ADGRA2: variants seen among roughly 807,000 people sequenced by gnomAD.
ADGRA2 encodes G-protein coupled receptor 124.
ADGRA2 carries 61 observed loss-of-function variants against 98.7 expected under a neutral mutation model. That is an observed-to-expected ratio of 0.62 (90% CI 0.50 to 0.76). ADGRA2 has a LOEUF of 0.76. ADGRA2 is among the 30% of genes least tolerant of loss of function. The probability of loss-of-function intolerance (pLI) is 0.00; values close to 1 mark genes in which losing one functional copy is unlikely to be tolerated. For missense variants in ADGRA2, 1,712 were observed against 1,860.0 expected, an observed-to-expected ratio of 0.92 and a Z score of 1.46; for synonymous variants, 858 against 831.5, an observed-to-expected ratio of 1.03 and a Z score of -0.55.
At position 37,840,204 on chromosome 8, in the gene ADGRA2, C is replaced by T. The variant is rs781219697; in HGVS notation, c.2595C>T (p.Thr865=). The T allele has an allele frequency of 6.2e-7, 1 of 1,612,736 alleles. No individual in the cohort carries two copies. Residue 865 remains threonine, a synonymous_variant, in exon 17 of 19, where the codon ACC becomes ACT. Transcript: ENST00000412232. Reference sequence around the variant, plus strand: ...CGCGAGTGCTCCATAAGGAGCTCACCTGGAGGGCACCCCCTCCGCAAGAAG... The same window carrying T: ...CGCGAGTGCTCCATAAGGAGCTCACTTGGAGGGCACCCCCTCCGCAAGAAG... The part of the protein sequence containing the change: ...VKARVLHKEL[T]WRAPPPQEGD...
chr8:37,801,656 C>T (rs1425892307), intron 1 of ADGRA2, among the ~76,000 whole-genome samples: 1 of 152,360 alleles, frequency 6.6e-6, no homozygotes, highest in East Asian at 1.9e-4. Flanking sequence ...AATTCCCAGA[C>T]GGCCTGGGCT....
chr8:37,820,676 C>T (rs762944301), intron 2 of ADGRA2, among the ~76,000 whole-genome samples: 1 of 152,250 alleles, frequency 6.6e-6, no homozygotes, highest in Non-Finnish European at 1.5e-5. Context: ...TTAACTGAAA[C>T]GGAAGCTCCA....
At chr8:37,812,722 T>C (rs1479911899) in intron 1 of ADGRA2, among the ~76,000 whole-genome samples, 1 of 151,558 alleles carries the variant, frequency 6.6e-6, no homozygotes, top group Non-Finnish European at 1.5e-5. Context: ...TGGAGTGCAA[T>C]GGTGCCATCA....
chr8:37,836,595 T>G (rs1805623117), intron 13 of ADGRA2, among the ~76,000 whole-genome samples: 1 of 152,038 alleles, frequency 6.6e-6, no homozygotes, highest in South Asian at 2.1e-4. Context: ...CTGCCAGTGA[T>G]TCCACTGTTA....
At chr8:37,837,041 G>A (rs114029198) in intron 13 of ADGRA2, among the ~76,000 whole-genome samples, 1 of 152,350 alleles carries the variant, frequency 6.6e-6, no homozygotes, top group African/African-American at 2.4e-5. Context: ...GTCGTTGTAA[G>A]TGCAGCTCGT....
At chr8:37,804,868 C>T (rs1044885384) in intron 1 of ADGRA2, among the ~76,000 whole-genome samples, 28 of 152,260 alleles carry the variant, frequency 1.8e-4, no homozygotes, top group African/African-American at 6.8e-4. Context: ...TACAAGCGTA[C>T]TCACGGGGTC....
rs768325271 is a variant in ADGRA2, at chr8:37,830,769, C to T, written c.778C>T (p.Gln260Ter). 1 of 1,602,506 alleles carries T rather than the reference C, an allele frequency of 6.2e-7. No homozygotes were observed. Among genetic ancestry groups the T allele is most frequent in the Non-Finnish European group, 8.5e-7 (1 of 1,174,924 alleles). ...LIPSLRQVVFQGDRLPFQCSA... is the reference protein window; with the variant it reads ...LIPSLRQVVF ...CCCGTCCCTACGCCAAGTGGTGTTC[C>T]AGGGGGATCGGCTGCCCTTCCAGTG... Residue 260 changes from glutamine (Q) to a stop codon, truncating the protein, a stop_gained, in exon 7 of 19, where the codon CAG (glutamine) becomes TAG (stop). Coordinates refer to ENST00000412232, the MANE Select transcript of ADGRA2 (RefSeq NM_032777.10). LOFTEE classifies it high-confidence loss of function. This position sits in a 1 kb window ranked among gnomAD's most constrained non-coding sequence, Gnocchi z 4.8.
chr8:37,842,923 G>A lies in ADGRA2; in HGVS notation c.*568G>A. 1 of 152,916 alleles carries A rather than the reference G, an allele frequency of 6.5e-6. No individual in the cohort carries two copies. 9.5% of individuals were successfully genotyped at this position (152,916 alleles called of 1,614,324 possible). A position where few individuals can be genotyped will look rare whatever the true frequency, so the allele number is the denominator to read the frequency against. Reference sequence around the variant, plus strand: ...CCACTATGCAAGAGGGGAGGGTGGGGCCACGTGAAAGGCAGCTCTAGACAT... The same window carrying A: ...CCACTATGCAAGAGGGGAGGGTGGGACCACGTGAAAGGCAGCTCTAGACAT... On this transcript the variant is annotated 3_prime_UTR_variant, in exon 19 of 19. Coordinates refer to ENST00000412232, the MANE Select transcript of ADGRA2 (RefSeq NM_032777.10).
At position 37,814,834 on chromosome 8, in the gene ADGRA2, G is replaced by T; in HGVS notation, c.267-62G>T. On this transcript the variant is annotated intron_variant, in intron 1 of 18. Transcript: ENST00000412232. This position sits in a 1 kb window ranked among gnomAD's most constrained non-coding sequence, Gnocchi z 4.3. ...GATGCAAGCTGGCCCCACCAGTGGT[G>T]AAAGCGGATGCCCAGCACATAACAG... 7.8e-7 allele frequency: 1 copy of T among 1,275,212 alleles called. No homozygotes were observed. 79.0% of individuals were successfully genotyped at this position (1,275,212 alleles called of 1,614,324 possible).
chr8:37,829,075 G>T, intron 3 of ADGRA2, 116 bp downstream of exon 3: 1 of 591,580 alleles, frequency 1.7e-6, no homozygotes. Flanking sequence ...CCTCCTTTCC[G>T]CTTGGGTGCC....
At position 37,833,700 on chromosome 8, in the gene ADGRA2, G is replaced by T; in HGVS notation, c.1309G>T (p.Ala437Ser). ...LYTFVLMPIN[A>S]SNALTLAHQL... ...CCCCAATCCCCAGATGCCCATCAATGCCTCCAATGCGCTGACCCTGGCTCA... is the reference window on the plus strand; with the variant it reads ...CCCCAATCCCCAGATGCCCATCAATTCCTCCAATGCGCTGACCCTGGCTCA... Residue 437 changes from alanine (A) to serine (S), a missense_variant, in exon 10 of 19, where the codon GCC becomes TCC. Transcript: ENST00000412232. 6.2e-7 allele frequency: 1 copy of T among 1,614,092 alleles called. No homozygotes were observed. The highest frequency in any genetic ancestry group is 8.5e-7 in the Non-Finnish European group (1 of 1,179,984).
At position 37,833,791 on chromosome 8, in the gene ADGRA2, C is replaced by T. The variant is rs1194148068; in HGVS notation, c.1400C>T (p.Ala467Val). The T allele has an allele frequency of 6.2e-7, 1 of 1,614,034 alleles. No homozygotes were observed. The highest frequency in any genetic ancestry group is 1.3e-5 in the African/African-American group (1 of 74,942). Residue 467 changes from alanine to valine, a missense_variant, in exon 10 of 19, where the codon GCT (alanine) becomes GTT (valine). Physicochemically the swap from Ala to Val is moderately conservative, Grantham distance 64. Transcript: ENST00000412232. Reference sequence around the variant, plus strand: ...GACATGATGGATGTAGTCTATGTGGCTCAGATGATCCAGAAATTTTTGGGT... The same window carrying T: ...GACATGATGGATGTAGTCTATGTGGTTCAGATGATCCAGAAATTTTTGGGT... The part of the protein sequence containing the change: ...FSDMMDVVYV[A>V]QMIQKFLGYV...
At chr8:37,806,817 A>G (rs1269283604) in intron 1 of ADGRA2, among the ~76,000 whole-genome samples, 2 of 152,072 alleles carry the variant, frequency 1.3e-5, no homozygotes, top group Non-Finnish European at 2.9e-5. Flanking sequence ...GATGTGAGCC[A>G]CTGCGCCCGG....
chr8:37,844,638 G>C lies in ADGRA2; in HGVS notation c.*2283G>C, dbSNP rs774160634. 1 of 1,614,150 alleles carries C rather than the reference G, an allele frequency of 6.2e-7. No individual in the cohort carries two copies. Among genetic ancestry groups the C allele is most frequent in the Non-Finnish European group, 8.5e-7 (1 of 1,180,036 alleles). On this transcript the variant is annotated 3_prime_UTR_variant, in exon 19 of 19. Coordinates refer to ENST00000412232, the MANE Select transcript of ADGRA2 (RefSeq NM_032777.10). ...AGTGACAGTGGAGACAGGGGGTACAGGGCAGATCCGCTTCGGGGACTTCAA... is the reference window on the plus strand; with the variant it reads ...AGTGACAGTGGAGACAGGGGGTACACGGCAGATCCGCTTCGGGGACTTCAA...
chr8:37,817,732 A>C (rs144754013), intron 2 of ADGRA2, among the ~76,000 whole-genome samples: 39 of 142,932 alleles, frequency 2.7e-4, no homozygotes, highest in African/African-American at 9.9e-4. Flanking sequence ...AAATAAATAA[A>C]TAGGCCAGGC....
At chr8:37,829,621 T>C in intron 5 of ADGRA2, 62 bp downstream of exon 5, 3 of 1,230,710 alleles carry the variant, frequency 2.4e-6, no homozygotes, top group Admixed American at 3.4e-5. Flanking sequence ...CCAGGAGAGA[T>C]GTATAAGTAT....
chr8:37,828,388 A>G (rs761790301), intron 2 of ADGRA2, among the ~76,000 whole-genome samples: 6 of 150,436 alleles, frequency 4.0e-5, no homozygotes, highest in Non-Finnish European at 1.5e-5. Context: ...TTGTGATCCC[A>G]TCTCTTGGCT....
At chr8:37,833,353 C>G (rs1250277032) in intron 9 of ADGRA2, 145 bp downstream of exon 9, 2 of 700,270 alleles carry the variant, frequency 2.9e-6, no homozygotes, top group Admixed American at 5.8e-5. Context: ...GGAGCCGGCT[C>G]CTCTCCTCCA....
At chr8:37,808,421 T>C (rs1804739077) in intron 1 of ADGRA2, among the ~76,000 whole-genome samples, 1 of 152,178 alleles carries the variant, frequency 6.6e-6, no homozygotes, top group Non-Finnish European at 1.5e-5. Flanking sequence ...GGGCCGAGGC[T>C]GACCCTATGT....
Sources: allele counts gnomAD v4.1 joint callset (sites outside exome capture counted in the v4.1 genomes callset), GRCh38; gene constraint gnomAD v4.1.1; non-coding constraint Gnocchi (gnomAD v3.1); transcripts MANE v1.5; gene names NCBI Gene and HGNC (gene_info 2026-07-23, HGNC 2026-07-21).